The following CCDC167 variants were observed in gnomAD, a reference collection of about 807,000 sequenced individuals.
CCDC167 encodes coiled-coil domain-containing protein 167.
A neutral mutation model predicts 12.7 loss-of-function variants in CCDC167; 15 were observed. That is an observed-to-expected ratio of 1.18 (90% confidence interval 0.79 to 1.81). The LOEUF is 1.81. Among genes scored for constraint, CCDC167 ranks in the 40% most tolerant of loss-of-function variants. The probability of loss-of-function intolerance (pLI) is 0.00; values close to 1 mark genes in which losing one functional copy is unlikely to be tolerated. For synonymous variants in CCDC167, 52 were observed against 49.0 expected, an observed-to-expected ratio of 1.06 and a Z score of -0.26; for missense variants, 121 against 120.1, an observed-to-expected ratio of 1.01 and a Z score of -0.03.
rs369107702 is a variant in CCDC167, at chr6:37,484,843, T to C, written c.157A>G (p.Lys53Glu). The C allele has an allele frequency of 6.2e-7, 1 of 1,614,262 alleles. No individual in the cohort carries two copies. The highest frequency in any genetic ancestry group is 1.3e-5 in the African/African-American group (1 of 75,064). Residue 53 changes from lysine to glutamate, a missense_variant, in exon 3 of 4, where the codon AAA becomes GAA. Physicochemically the swap from Lys to Glu is moderately conservative, Grantham distance 56. Transcript: ENST00000373408. Reference protein sequence around the residue: ...PEARRSLEKEKNSLMNKASNY... With the variant: ...PEARRSLEKEENSLMNKASNY... ...GAGGCTTTGTTCATTAGGCTGTTTTTCTCCTTCTCCAGGGACCTCCTGTGA... is the reference window on the plus strand; with the variant it reads ...GAGGCTTTGTTCATTAGGCTGTTTTCCTCCTTCTCCAGGGACCTCCTGTGA...
intron 1 of CCDC167, among the ~76,000 whole-genome samples, chr6:37,485,759 C>T (rs1174767702): frequency 6.6e-6 from 1 of 152,198 alleles, no homozygotes; most frequent in Non-Finnish European, 1.5e-5. Context: ...TAAAAATATA[C>T]ATTTTTCTGT....
rs745842957 is a variant in CCDC167 at position 37,485,192 on chromosome 6, G to A, written c.45C>T (p.Ile15=). Residue 15 remains isoleucine, a splice_region_variant and synonymous_variant, in exon 2 of 4, where the codon ATC becomes ATT. Transcript: ENST00000373408. ...KRENLGVALE[I]DGLEEKLSQC... is the part of the protein sequence containing the mutation. Reference sequence around the variant, plus strand: ...GGGACAGCTTCTCCTCTAGCCCATCGATCTGAAACAAAGGCCACAGAGAGG... The same window carrying A: ...GGGACAGCTTCTCCTCTAGCCCATCAATCTGAAACAAAGGCCACAGAGAGG... 25 of 1,612,026 alleles carry A rather than the reference G, an allele frequency of 1.6e-5. No homozygotes were observed. In the Admixed American group the frequency reaches 3.0e-4, roughly 19 times the overall value.
intron 1 of CCDC167, 81 bp downstream of exon 1, chr6:37,499,741 T>G: frequency 6.8e-7 from 1 of 1,478,286 alleles, no homozygotes; most frequent in Admixed American, 1.7e-5. Context: ...CCTCCTCCTA[T>G]CTATAGCCCA....
At chr6:37,493,991 T>G (rs1762064393) in intron 1 of CCDC167, among the ~76,000 whole-genome samples, 1 of 150,680 alleles carries the variant, frequency 6.6e-6, no homozygotes, top group Non-Finnish European at 1.5e-5. Context: ...AGCCTTCCGG[T>G]GCTCTTCCTG....
intron 1 of CCDC167, among the ~76,000 whole-genome samples, chr6:37,490,879 C>T (rs558757651): frequency 2.0e-5 from 3 of 152,142 alleles, no homozygotes; most frequent in Non-Finnish European, 2.9e-5. Context: ...TCCAAGCACC[C>T]GGGCCTGGAG....
At chr6:37,495,238 C>G (rs548030333) in intron 1 of CCDC167, among the ~76,000 whole-genome samples, 11 of 152,214 alleles carry the variant, frequency 7.2e-5, no homozygotes, top group Admixed American at 2.0e-4. Flanking sequence ...AAGTTATCCA[C>G]TTTAGGATAC....
Position 37,485,144 on chromosome 6 carries a change from G to A in CCDC167, c.93C>T (p.Ala31=), listed in dbSNP as rs754465391. The change falls in exon 2 of 4, where the codon GCC becomes GCT. Residue 31 remains alanine, a synonymous_variant. Coordinates refer to ENST00000373408, the MANE Select transcript of CCDC167 (RefSeq NM_138493.3). The part of the protein sequence containing the change: ...KLSQCRRDLE[A]VNSRLHSREL... ...CCCGGCTGTGGAGTCTGGAGTTCACGGCCTCCAGGTCTCTCCGACACTGGG... is the reference window on the plus strand; with the variant it reads ...CCCGGCTGTGGAGTCTGGAGTTCACAGCCTCCAGGTCTCTCCGACACTGGG... The A allele has an allele frequency of 7.4e-6, 12 of 1,613,480 alleles. No homozygotes were observed. The highest frequency in any genetic ancestry group is 1.3e-5 in the African/African-American group (1 of 74,906).
At chr6:37,484,722 G>A in intron 3 of CCDC167, 88 bp downstream of exon 3, 1 of 1,493,324 alleles carries the variant, frequency 6.7e-7, no homozygotes, top group Non-Finnish European at 9.3e-7. Flanking sequence ...CTTGCTCCCT[G>A]CTGCCTTGTC....
chr6:37,487,351 G>A (rs77232708), intron 1 of CCDC167, among the ~76,000 whole-genome samples: 37 of 152,360 alleles, frequency 2.4e-4, no homozygotes, highest in Admixed American at 1.2e-3. Context: ...TAGCCACAAT[G>A]AGTGGAGTTG....
intron 1 of CCDC167, among the ~76,000 whole-genome samples, chr6:37,489,467 G>C (rs902199988): frequency 6.6e-6 from 1 of 152,166 alleles, no homozygotes; most frequent in Non-Finnish European, 1.5e-5. Context: ...GGAACCTTGC[G>C]ATCCTTCCCT....
At chr6:37,499,741 T>A in intron 1 of CCDC167, 81 bp downstream of exon 1, 1 of 1,478,286 alleles carries the variant, frequency 6.8e-7, no homozygotes, top group Non-Finnish European at 9.4e-7. Flanking sequence ...CCTCCTCCTA[T>A]CTATAGCCCA....
intron 1 of CCDC167, among the ~76,000 whole-genome samples, chr6:37,498,350 A>G (rs982415493): frequency 4.6e-5 from 7 of 152,082 alleles, no homozygotes; most frequent in African/African-American, 1.7e-4. Flanking sequence ...ACCCTAATGC[A>G]GGTTACAAAG....
intron 1 of CCDC167, among the ~76,000 whole-genome samples, chr6:37,497,880 A>G (rs900586386): frequency 6.6e-6 from 1 of 152,150 alleles, no homozygotes; most frequent in African/African-American, 2.4e-5. Flanking sequence ...CGAAATACCA[A>G]TAAAAAACAT....
At chr6:37,492,083 A>G (rs1409190275) in intron 1 of CCDC167, among the ~76,000 whole-genome samples, 2 of 152,180 alleles carry the variant, frequency 1.3e-5, no homozygotes, top group Non-Finnish European at 2.9e-5. Flanking sequence ...GCCCATCTCC[A>G]TCTTACAGAG....
At chr6:37,484,477 G>GTGGGT (rs1240529367) in intron 3 of CCDC167, among the ~76,000 whole-genome samples, 2 of 151,244 alleles carry the variant, frequency 1.3e-5, no homozygotes, top group African/African-American at 4.9e-5. Flanking sequence ...GGAGGGTGTG[G>GTGGGT]TGGGTTGGGG....
At chr6:37,499,581 TC>T (rs1762138527) in intron 1 of CCDC167, among the ~76,000 whole-genome samples, 1 of 152,084 alleles carries the variant, frequency 6.6e-6, no homozygotes, top group Admixed American at 6.5e-5. Flanking sequence ...CTTCCATGTC[TC>T]TTCCTCTCTG....
Position 37,483,061 on chromosome 6 carries a change from GCTT to G in CCDC167, c.*122_*124del. 1.2e-6 allele frequency: 1 copy of G among 810,856 alleles called. No individual in the cohort carries two copies. Among genetic ancestry groups the G allele is most frequent in the Non-Finnish European group, 2.1e-6 (1 of 466,942 alleles). The allele number at this position is 810,856 out of a possible 1,614,324, so 50.2% of individuals were successfully genotyped here. Reference sequence around the variant, plus strand: ...AAGGCCTGGGCCGCCAGGAAGCCATGCTTGAACACTAGGTTGGGAGGGGAACAC... The same window carrying G: ...AAGGCCTGGGCCGCCAGGAAGCCATGGAACACTAGGTTGGGAGGGGAACAC... On this transcript the variant is annotated 3_prime_UTR_variant, in exon 4 of 4. Transcript: ENST00000373408.
rs369647042 is a variant in CCDC167 at position 37,485,212 on chromosome 6, G to C, written c.43-18C>G. 2 of 1,596,136 alleles carry C rather than the reference G, an allele frequency of 1.3e-6. No homozygotes were observed. The highest frequency in any genetic ancestry group is 1.7e-6 in the Non-Finnish European group (2 of 1,165,660). ...CCATCGATCTGAAACAAAGGCCACAGAGAGGTGGGCTGCCGAGGCTTCTAG... is the reference window on the plus strand; with the variant it reads ...CCATCGATCTGAAACAAAGGCCACACAGAGGTGGGCTGCCGAGGCTTCTAG... On this transcript the variant is annotated intron_variant, in intron 1 of 3. Coordinates refer to ENST00000373408, the MANE Select transcript of CCDC167 (RefSeq NM_138493.3).
At chr6:37,489,249 CAAACAAAA>C (rs1030704616) in intron 1 of CCDC167, among the ~76,000 whole-genome samples, 17 of 147,966 alleles carry the variant, frequency 1.1e-4, no homozygotes, top group African/African-American at 3.6e-4. Flanking sequence ...AACAAACAAA[CAAACAAAA>C]AAAAACAGCA....
Sources: gnomAD v4.1 joint callset for allele counts (sites outside exome capture counted in the v4.1 genomes callset) on GRCh38, gnomAD v4.1.1 for gene constraint, MANE v1.5 for transcripts, NCBI Gene and HGNC (gene_info 2026-07-23, HGNC 2026-07-21) for gene names.